Variants in CTNNA2 observed in about 807,000 individuals in gnomAD.
The protein encoded by CTNNA2 is catenin alpha 2, also known as catenin alpha-2.
A neutral mutation model predicts 101.0 loss-of-function variants in CTNNA2; 42 were observed. That is an observed-to-expected ratio of 0.42 (90% CI 0.32 to 0.54). The LOEUF (loss-of-function observed/expected upper bound fraction) is 0.54. Ranked by LOEUF, CTNNA2 falls within the 20% of genes least tolerant of loss-of-function variation. The pLI is 0.14. For missense variants in CTNNA2, 871 were observed against 1,223.1 expected, an observed-to-expected ratio of 0.71 and a Z score of 4.29; for synonymous variants, 450 against 456.4, an observed-to-expected ratio of 0.99 and a Z score of 0.18.
At chr2:80,001,660 G>A (rs1047631558) in intron 7 of CTNNA2, among the ~76,000 whole-genome samples, 1 of 152,120 alleles carries the variant, frequency 6.6e-6, no homozygotes, top group African/African-American at 2.4e-5. Flanking sequence ...GGAGAGAGAA[G>A]AACTAGCTGA....
At chr2:79,278,493 A>G (rs1208123007) in intron 2 of CTNNA2, among the ~76,000 whole-genome samples, 2 of 148,834 alleles carry the variant, frequency 1.3e-5, no homozygotes, top group Non-Finnish European at 3.0e-5. Flanking sequence ...ATGTGACTCA[A>G]AATCCAAAAT....
intron 9 of CTNNA2, among the ~76,000 whole-genome samples, chr2:80,477,047 G>A (rs986362283): frequency 2.6e-5 from 4 of 152,148 alleles, no homozygotes; most frequent in Admixed American, 2.0e-4. Flanking sequence ...AGAGTATATT[G>A]GGTTGGATTT....
chr2:80,614,035 G>A (rs975958406), intron 17 of CTNNA2, among the ~76,000 whole-genome samples: 6 of 151,550 alleles, frequency 4.0e-5, no homozygotes, highest in Admixed American at 1.3e-4. Context: ...CAAGTTTTGA[G>A]ATGCTCTAAT....
intron 9 of CTNNA2, among the ~76,000 whole-genome samples, chr2:80,539,768 A>G (rs1691378749): frequency 6.6e-6 from 1 of 152,114 alleles, no homozygotes; most frequent in Non-Finnish European, 1.5e-5. Context: ...TATTTAGTAC[A>G]ATTAGATCAC....
At chr2:79,480,728 C>T (rs1026683961) in intron 4 of CTNNA2, among the ~76,000 whole-genome samples, 8 of 152,184 alleles carry the variant, frequency 5.3e-5, no homozygotes, top group African/African-American at 9.6e-5. Flanking sequence ...ATGCTAAACA[C>T]TCTGGTACTT....
At chr2:79,466,288 A>C (rs1331162759) in intron 4 of CTNNA2, among the ~76,000 whole-genome samples, 1 of 152,196 alleles carries the variant, frequency 6.6e-6, no homozygotes, top group Non-Finnish European at 1.5e-5. Context: ...TTGCTAGCAC[A>C]GCAGTCTGAG....
chr2:79,367,024 T>C (rs554189381), intron 3 of CTNNA2, among the ~76,000 whole-genome samples: 1 of 152,302 alleles, frequency 6.6e-6, no homozygotes, highest in East Asian at 1.9e-4. Flanking sequence ...GTGATGGTAT[T>C]TGGAGATGGA....
At chr2:79,770,960 A>G (rs796463254) in intron 3 of CTNNA2, among the ~76,000 whole-genome samples, 90 of 152,350 alleles carry the variant, frequency 5.9e-4, no homozygotes, top group African/African-American at 2.1e-3. Flanking sequence ...ACCAGGTAAC[A>G]CAGTTAGTGG....
chr2:79,188,348 G>A (rs994799754), intron 1 of CTNNA2, among the ~76,000 whole-genome samples: 4 of 151,980 alleles, frequency 2.6e-5, no homozygotes, highest in African/African-American at 4.8e-5. Context: ...GCTCTGCTTC[G>A]ACCTCCAATC....
At chr2:80,368,311 C>A (rs1675121089) in intron 7 of CTNNA2, among the ~76,000 whole-genome samples, 1 of 152,052 alleles carries the variant, frequency 6.6e-6, no homozygotes, top group Non-Finnish European at 1.5e-5. Flanking sequence ...ATTTCATAGA[C>A]TGGGAAATGT....
chr2:79,323,363 C>A (rs577483846), intron 3 of CTNNA2, among the ~76,000 whole-genome samples: 9 of 152,170 alleles, frequency 5.9e-5, no homozygotes, highest in African/African-American at 2.2e-4. Context: ...TTACACTATA[C>A]ATGAGGAAAT....
chr2:79,309,188 G>A (rs1676311250), intron 2 of CTNNA2, among the ~76,000 whole-genome samples: 1 of 151,628 alleles, frequency 6.6e-6, no homozygotes. Context: ...TTCTCTTCTT[G>A]AATCTTTGCT....
At chr2:80,101,162 C>A (rs1448388443) in intron 7 of CTNNA2, among the ~76,000 whole-genome samples, 2 of 152,054 alleles carry the variant, frequency 1.3e-5, no homozygotes, top group Non-Finnish European at 2.9e-5. Context: ...TTTAAAATAG[C>A]TCTTATGTTT....
chr2:79,306,324 A>C (rs1676246321), intron 2 of CTNNA2, among the ~76,000 whole-genome samples: 1 of 152,184 alleles, frequency 6.6e-6, no homozygotes, highest in African/African-American at 2.4e-5. Context: ...AGAACAATAT[A>C]TTATATATTT....
At chr2:80,137,316 C>T (rs1371576638) in intron 7 of CTNNA2, among the ~76,000 whole-genome samples, 2 of 152,024 alleles carry the variant, frequency 1.3e-5, no homozygotes, top group African/African-American at 4.8e-5. Context: ...TTGAATTTGG[C>T]TCAGTAAAAG....
At chr2:79,586,629 G>T (rs2103948200) in intron 1 of CTNNA2, among the ~76,000 whole-genome samples, 1 of 151,152 alleles carries the variant, frequency 6.6e-6, no homozygotes. Context: ...TCTAGTCTCA[G>T]CTTCCTCTCT....
intron 3 of CTNNA2, among the ~76,000 whole-genome samples, chr2:79,769,232 A>G (rs1003206179): frequency 2.6e-5 from 4 of 152,080 alleles, no homozygotes; most frequent in African/African-American, 9.7e-5. Context: ...TTGACTTCGG[A>G]ATGCCCTCTT....
At chr2:79,229,624 A>G (rs1674464518) in intron 2 of CTNNA2, among the ~76,000 whole-genome samples, 1 of 152,214 alleles carries the variant, frequency 6.6e-6, no homozygotes, top group South Asian at 2.1e-4. Context: ...AGAGTGGGGC[A>G]TTGCTGAAAA....
chr2:80,505,606 T>C (rs1219239585), intron 9 of CTNNA2, among the ~76,000 whole-genome samples: 1 of 152,146 alleles, frequency 6.6e-6, no homozygotes, highest in Non-Finnish European at 1.5e-5. Context: ...GAACATGAAT[T>C]AGGGGTGATA....
Sources: allele counts gnomAD v4.1 joint callset (sites outside exome capture counted in the v4.1 genomes callset), GRCh38; gene constraint gnomAD v4.1.1; transcripts MANE v1.5; gene names NCBI Gene and HGNC (gene_info 2026-07-23, HGNC 2026-07-21).